MYT1L: variants seen among roughly 807,000 people sequenced by gnomAD.
The protein encoded by MYT1L is myelin transcription factor 1 like.
A neutral mutation model predicts 126.7 loss-of-function variants in MYT1L; 12 were observed. That is an observed-to-expected ratio of 0.09 (90% CI 0.06 to 0.15). The LOEUF is 0.15. MYT1L is among the 10% of genes least tolerant of loss of function. MYT1L has a pLI of 1.00. For missense variants in MYT1L, 979 were observed against 1,585.2 expected (o/e 0.62, Z 6.49); for synonymous variants, 541 against 604.2 (o/e 0.90, Z 1.53).
At chr2:1,830,267 C>A (rs866527920) in intron 21 of MYT1L, among the ~76,000 whole-genome samples, 1 of 152,190 alleles carries the variant, frequency 6.6e-6, no homozygotes, top group Admixed American at 6.5e-5. Flanking sequence ...GGACCCCAGG[C>A]AGGAAGTTCT....
chr2:2,199,258 G>A (rs1355677856), intron 2 of MYT1L, among the ~76,000 whole-genome samples: 1 of 152,166 alleles, frequency 6.6e-6, no homozygotes, highest in Non-Finnish European at 1.5e-5. Context: ...CTTTTTGATA[G>A]GAGATCTTTT....
At chr2:2,153,808 C>T (rs776351378) in intron 3 of MYT1L, among the ~76,000 whole-genome samples, 1 of 152,074 alleles carries the variant, frequency 6.6e-6, no homozygotes, top group Non-Finnish European at 1.5e-5. Flanking sequence ...GGCTCGCCAG[C>T]AGCTGGTGTC....
intron 3 of MYT1L, among the ~76,000 whole-genome samples, chr2:2,054,874 T>TAAA (rs1416942275): frequency 6.7e-6 from 1 of 148,422 alleles, no homozygotes; most frequent in Admixed American, 6.7e-5. Context: ...GTGAGAAGCA[T>TAAA]GAAGATGAGA....
In MYT1L at chr2:1,980,297, A is replaced by G. The variant is rs543871017; in HGVS notation, c.1-520T>C. Among the ~76,000 whole-genome samples, 124 of 146,176 alleles carry G rather than the reference A, an allele frequency of 8.5e-4. 1 individual carries two copies. Among genetic ancestry groups the G allele is most frequent in the African/African-American group, 3.0e-3 (117 of 39,430 alleles). On this transcript the variant is annotated intron_variant, in intron 5 of 24. Transcript: ENST00000647738. ...ATATTATATATACATTATATATAAT[A>G]TATAGTTTATATTTATATCTATATA...
chr2:1,856,059 C>T (rs948462735), intron 18 of MYT1L, among the ~76,000 whole-genome samples: 2 of 152,126 alleles, frequency 1.3e-5, no homozygotes, highest in African/African-American at 4.8e-5. Flanking sequence ...GTGCAGAATT[C>T]AGGCGAATTC....
intron 20 of MYT1L, among the ~76,000 whole-genome samples, chr2:1,839,689 G>A (rs563718147): frequency 8.5e-5 from 13 of 152,204 alleles, no homozygotes; most frequent in African/African-American, 2.4e-4. Context: ...CTACACAAGC[G>A]TGTGTTTAAA....
chr2:1,903,198 G>T lies in MYT1L; in HGVS notation c.1914C>A (p.Leu638=), dbSNP rs567944808. The T allele has an allele frequency of 3.1e-6, 5 of 1,613,888 alleles. No homozygotes were observed. The East Asian group carries it at 6.7e-5, about 22-fold the overall frequency. Reference sequence around the variant, plus strand: ...CAAACGAGGTCTTGGAATATTTCTCGAGCTCCTTGGCCAGGTTGGAACGCG... The same window carrying T: ...CAAACGAGGTCTTGGAATATTTCTCTAGCTCCTTGGCCAGGTTGGAACGCG... ...TTPRSNLAKE[L]EKYSKTSFEY... The change falls in exon 14 of 25, where the codon CTC becomes CTA. Residue 638 remains leucine, a synonymous_variant. Coordinates refer to ENST00000647738, the MANE Select transcript of MYT1L (RefSeq NM_001303052.2).
intron 2 of MYT1L, among the ~76,000 whole-genome samples, chr2:2,214,228 AC>A (rs1422417144): frequency 1.3e-5 from 2 of 151,820 alleles, no homozygotes; most frequent in Non-Finnish European, 2.9e-5. Flanking sequence ...AATCAGAATA[AC>A]CTAAAAAAAA....
chr2:2,095,300 C>T (rs898511513), intron 3 of MYT1L, among the ~76,000 whole-genome samples: 4 of 152,220 alleles, frequency 2.6e-5, no homozygotes, highest in African/African-American at 9.6e-5. Flanking sequence ...GCCAACTCTC[C>T]TTTCTCTCTC....
chr2:2,226,013 C>T (rs550510044), intron 2 of MYT1L, among the ~76,000 whole-genome samples: 1 of 152,120 alleles, frequency 6.6e-6, no homozygotes, highest in Non-Finnish European at 1.5e-5. Flanking sequence ...TCCTAAGCAC[C>T]ATGTTAAGTC....
intron 1 of MYT1L, among the ~76,000 whole-genome samples, chr2:2,297,716 AG>A (rs1380142421): frequency 6.6e-6 from 1 of 152,140 alleles, no homozygotes; most frequent in Non-Finnish European, 1.5e-5. Flanking sequence ...TCCTTTCTAC[AG>A]CATGAAGCAT....
intron 18 of MYT1L, among the ~76,000 whole-genome samples, chr2:1,873,157 G>A (rs1048862095): frequency 6.6e-6 from 1 of 152,056 alleles, no homozygotes; most frequent in Non-Finnish European, 1.5e-5. Context: ...ACCCTCCCAG[G>A]TTTTCAAATG....
At chr2:2,095,810 T>A (rs1239729263) in intron 3 of MYT1L, among the ~76,000 whole-genome samples, 2 of 152,264 alleles carry the variant, frequency 1.3e-5, no homozygotes, top group East Asian at 3.9e-4. Flanking sequence ...ACTCAGCACT[T>A]TACTCTGTCC....
chr2:2,263,816 A>G (rs1162430853), intron 2 of MYT1L, among the ~76,000 whole-genome samples: 1 of 152,122 alleles, frequency 6.6e-6, no homozygotes, highest in East Asian at 1.9e-4. Flanking sequence ...GTCAAGCATG[A>G]TGTTTGCATC....
intron 4 of MYT1L, among the ~76,000 whole-genome samples, chr2:2,001,543 G>A (rs535398969): frequency 2.0e-5 from 3 of 152,194 alleles, no homozygotes; most frequent in Non-Finnish European, 4.4e-5. Context: ...GAGTGAGAGC[G>A]TCTCTGCACA....
At chr2:2,025,468 T>G (rs760475487) in intron 4 of MYT1L, among the ~76,000 whole-genome samples, 17 of 152,218 alleles carry the variant, frequency 1.1e-4, no homozygotes, top group Non-Finnish European at 2.1e-4. Flanking sequence ...CAAAGTCAAT[T>G]TTAAAATTAG....
chr2:2,297,618 C>T (rs1247805470), intron 1 of MYT1L, among the ~76,000 whole-genome samples: 3 of 152,120 alleles, frequency 2.0e-5, no homozygotes, highest in Non-Finnish European at 2.9e-5. Context: ...TCCCCTTGGC[C>T]GTGCCAACAG....
At chr2:2,303,895 T>C (rs1049213108) in intron 1 of MYT1L, 3 of 152,218 alleles carry the variant, frequency 2.0e-5, no homozygotes, top group Admixed American at 6.5e-5. Flanking sequence ...TTGAAAAACA[T>C]CGAGCAACAC....
intron 2 of MYT1L, among the ~76,000 whole-genome samples, chr2:2,193,431 A>C (rs2092679606): frequency 1.3e-5 from 2 of 152,214 alleles, no homozygotes; most frequent in Non-Finnish European, 2.9e-5. Flanking sequence ...TGTGCCCTGG[A>C]GTCAGAATGT....
Sources: allele counts gnomAD v4.1 joint callset (sites outside exome capture counted in the v4.1 genomes callset), GRCh38; gene constraint gnomAD v4.1.1; transcripts MANE v1.5; gene names NCBI Gene and HGNC (gene_info 2026-07-23, HGNC 2026-07-21).